Variants in NUP153 observed in about 807,000 individuals in gnomAD.
NUP153 encodes nuclear pore complex protein Nup153.
Under a neutral mutation model 134.6 loss-of-function variants are expected in NUP153, and 27 were observed. That is an observed-to-expected ratio of 0.20 (90% CI 0.15 to 0.28). The LOEUF is 0.28. Ranked by LOEUF, NUP153 falls within the 10% of genes least tolerant of loss-of-function variation. NUP153 has a pLI of 1.00. For missense variants in NUP153, 1,821 were observed against 1,731.3 expected, an observed-to-expected ratio of 1.05 and a Z score of -0.92; for synonymous variants, 640 against 623.5, an observed-to-expected ratio of 1.03 and a Z score of -0.40.
At chr6:17,694,789 C>A (rs1055059916) in intron 1 of NUP153, among the ~76,000 whole-genome samples, 5 of 151,968 alleles carry the variant, frequency 3.3e-5, no homozygotes, top group Admixed American at 2.6e-4. Flanking sequence ...CCAGCCTGGC[C>A]AACATAGTGA....
intron 17 of NUP153, among the ~76,000 whole-genome samples, chr6:17,631,857 C>T (rs1205133265): frequency 1.3e-5 from 2 of 152,146 alleles, no homozygotes; most frequent in African/African-American, 4.8e-5. Context: ...GTCCCAGCTA[C>T]TCGGGAGGCT....
In NUP153 at chr6:17,644,028, T is replaced by C. The variant is rs142564542; in HGVS notation, c.1720+2039A>G. Among the ~76,000 whole-genome samples, 300 of 152,218 alleles carry C rather than the reference T, an allele frequency of 2.0e-3. 2 individuals carry two copies. Among genetic ancestry groups the C allele is most frequent in the African/African-American group, 6.5e-3 (272 of 41,528 alleles). The stretch of plus-strand genomic sequence containing the variant: ...ATGGAAATTCCTTATTAATTTCTAT[T>C]ACGTAAGGCTGTGTTAGCCAATTAA... On this transcript the variant is annotated intron_variant, in intron 14 of 21. Transcript: ENST00000262077.
intron 1 of NUP153, among the ~76,000 whole-genome samples, chr6:17,701,719 A>G (rs1770092345): frequency 6.6e-6 from 1 of 150,872 alleles, no homozygotes; most frequent in Non-Finnish European, 1.5e-5. Context: ...CTGTAATCCC[A>G]GCTACTCAAG....
chr6:17,616,742 T>A (rs779304345), intron 20 of NUP153, 47 bp from the exon 21 acceptor site: 22 of 1,552,582 alleles, frequency 1.4e-5, no homozygotes, highest in Middle Eastern at 1.7e-4. Flanking sequence ...AAATGATAGG[T>A]TTTTTTGTTT....
intron 2 of NUP153, among the ~76,000 whole-genome samples, chr6:17,681,579 T>C (rs1768582440): frequency 6.6e-6 from 1 of 151,884 alleles, no homozygotes; most frequent in African/African-American, 2.4e-5. Flanking sequence ...CAAGAACCTG[T>C]CTCAAAACAA....
chr6:17,620,403 C>G (rs1013016581), intron 20 of NUP153, among the ~76,000 whole-genome samples: 7 of 152,178 alleles, frequency 4.6e-5, no homozygotes, highest in Non-Finnish European at 1.0e-4. Context: ...AAAGGATACT[C>G]TCTTCAGTAA....
Position 17,616,168 on chromosome 6 carries a change from T to G in NUP153, c.4357A>C (p.Asn1453His), listed in dbSNP as rs758943685. 6.2e-7 allele frequency: 1 copy of G among 1,613,610 alleles called. No homozygotes were observed. The highest frequency in any genetic ancestry group is 1.7e-5 in the Admixed American group (1 of 60,008). ...GAAGTTCCAGAAGAAGAGAACACATTTTTCCCATTTGACCTGTGAAAAATA... is the reference window on the plus strand; with the variant it reads ...GAAGTTCCAGAAGAAGAGAACACATGTTTCCCATTTGACCTGTGAAAAATA... ...AAFTVGSNGK[N>H]VFSSSGTSFS... Residue 1453 changes from asparagine to histidine, a missense_variant, in exon 22 of 22, where the codon AAT becomes CAT. Coordinates refer to ENST00000262077, the MANE Select transcript of NUP153 (RefSeq NM_005124.4).
chr6:17,672,059 G>A (rs1486214837), intron 5 of NUP153, among the ~76,000 whole-genome samples: 2 of 151,964 alleles, frequency 1.3e-5, no homozygotes, highest in Middle Eastern at 3.2e-3. Flanking sequence ...GTAGAAACAA[G>A]CCAATTTTAG....
chr6:17,629,543 C>G lies in NUP153; in HGVS notation c.2660-4G>C, dbSNP rs78429165. ...GATGAGGAAGATGTGTCAAAGCCTA[C>G]AAAAATATAAAAGACACCACATAGA... On this transcript the variant is annotated splice_region_variant and splice_polypyrimidine_tract_variant and intron_variant, in intron 17 of 21. Transcript: ENST00000262077. 1.9e-6 allele frequency: 3 copies of G among 1,575,726 alleles called. No homozygotes were observed. The highest frequency in any genetic ancestry group is 1.7e-6 in the Non-Finnish European group (2 of 1,168,104).
intron 1 of NUP153, among the ~76,000 whole-genome samples, chr6:17,701,645 A>C (rs1770081076): frequency 6.9e-6 from 1 of 145,656 alleles, no homozygotes. Flanking sequence ...TGGGTGACAG[A>C]ACAAGACTCC....
At chr6:17,698,969 T>G (rs1769859433) in intron 1 of NUP153, among the ~76,000 whole-genome samples, 1 of 152,010 alleles carries the variant, frequency 6.6e-6, no homozygotes, top group Non-Finnish European at 1.5e-5. Context: ...GTAACATGTT[T>G]GAAAATTGGG....
At chr6:17,694,396 C>T (rs1769493156) in intron 1 of NUP153, among the ~76,000 whole-genome samples, 2 of 152,110 alleles carry the variant, frequency 1.3e-5, no homozygotes, top group Non-Finnish European at 2.9e-5. Flanking sequence ...CGGTGGCTCA[C>T]GCCTGTAATC....
At chr6:17,622,603 G>C (rs1255814300) in intron 20 of NUP153, among the ~76,000 whole-genome samples, 1 of 151,962 alleles carries the variant, frequency 6.6e-6, no homozygotes, top group East Asian at 1.9e-4. Context: ...GGCCTCTGTA[G>C]CCTTTTCTCA....
At chr6:17,620,473 C>T (rs899219859) in intron 20 of NUP153, among the ~76,000 whole-genome samples, 1 of 152,014 alleles carries the variant, frequency 6.6e-6, no homozygotes, top group Non-Finnish European at 1.5e-5. Context: ...TACTTCTCAC[C>T]CTATACAAAA....
intron 11 of NUP153, among the ~76,000 whole-genome samples, chr6:17,657,403 A>T (rs1277329110): frequency 7.1e-6 from 1 of 140,558 alleles, no homozygotes; most frequent in South Asian, 2.1e-4. Context: ...TAAAAAAATA[A>T]AAAAAAAAAA....
chr6:17,656,505 G>A (rs1234045334), intron 11 of NUP153, among the ~76,000 whole-genome samples: 1 of 152,152 alleles, frequency 6.6e-6, no homozygotes, highest in East Asian at 1.9e-4. Context: ...CTCCCTGGTA[G>A]CTGGGACCAC....
At chr6:17,649,140 G>C (rs776032884) in intron 12 of NUP153, 23 bp downstream of exon 12, 17 of 1,586,876 alleles carry the variant, frequency 1.1e-5, no homozygotes, top group Non-Finnish European at 1.7e-6. Flanking sequence ...AATGTCACCT[G>C]TATTTATATA....
chr6:17,701,349 G>A (rs1243969712), intron 1 of NUP153, among the ~76,000 whole-genome samples: 1 of 152,020 alleles, frequency 6.6e-6, no homozygotes, highest in Non-Finnish European at 1.5e-5. Context: ...CCAACTTGGT[G>A]AAACCCAGTC....
intron 2 of NUP153, among the ~76,000 whole-genome samples, chr6:17,682,925 GA>G (rs58196936): frequency 0.037 from 4,616 of 123,750 alleles, 280 homozygotes; most frequent in African/African-American, 0.13. Flanking sequence ...CAAAAAAGAA[GA>G]AAAAAAAAAA....
Sources: gnomAD v4.1 joint callset for allele counts (sites outside exome capture counted in the v4.1 genomes callset) on GRCh38, gnomAD v4.1.1 for gene constraint, MANE v1.5 for transcripts, NCBI Gene and HGNC (gene_info 2026-07-23, HGNC 2026-07-21) for gene names.